Variants in GSK3B observed in about 807,000 individuals in gnomAD.
The protein encoded by GSK3B is glycogen synthase kinase-3 beta.
GSK3B carries 15 observed loss-of-function variants against 56.4 expected under a neutral mutation model. The observed-to-expected ratio is 0.27, with a 90% CI of 0.18 to 0.41. The LOEUF is 0.41. GSK3B is among the 10% of genes least tolerant of loss of function. The pLI is 1.00. For missense variants in GSK3B, 300 were observed against 513.4 expected, an observed-to-expected ratio of 0.58 and a Z score of 4.02; for synonymous variants, 181 against 188.9, an observed-to-expected ratio of 0.96 and a Z score of 0.34.
chr3:119,967,476 A>T (rs2057328027), intron 2 of GSK3B, among the ~76,000 whole-genome samples: 1 of 152,216 alleles, frequency 6.6e-6, no homozygotes, highest in Admixed American at 6.5e-5. Flanking sequence ...TGTAAAGAAG[A>T]AGTTGGAGGA....
intron 2 of GSK3B, among the ~76,000 whole-genome samples, chr3:119,997,332 C>T (rs539570221): frequency 5.3e-4 from 81 of 152,184 alleles, no homozygotes; most frequent in African/African-American, 1.9e-3. Context: ...GATGTATTTA[C>T]ATGGAGGAAG....
intron 7 of GSK3B, among the ~76,000 whole-genome samples, chr3:119,905,260 A>AT (rs1032747389): frequency 2.8e-4 from 42 of 151,892 alleles, no homozygotes; most frequent in Non-Finnish European, 5.9e-5. Flanking sequence ...TATTAAATCC[A>AT]TAAGTCAAAA....
chr3:120,024,175 AT>A (rs869286679), intron 1 of GSK3B, among the ~76,000 whole-genome samples: 1 of 151,690 alleles, frequency 6.6e-6, no homozygotes, highest in East Asian at 1.9e-4. Flanking sequence ...TACAAAAAAA[AT>A]TTTTTTTTAA....
At chr3:119,991,214 G>C (rs1387083216) in intron 2 of GSK3B, among the ~76,000 whole-genome samples, 1 of 152,136 alleles carries the variant, frequency 6.6e-6, no homozygotes, top group African/African-American at 2.4e-5. Context: ...TGTTACAACA[G>C]TACAGGTCTC....
At chr3:119,999,881 T>C (rs1277602191) in intron 2 of GSK3B, among the ~76,000 whole-genome samples, 1 of 152,184 alleles carries the variant, frequency 6.6e-6, no homozygotes, top group Non-Finnish European at 1.5e-5. Context: ...TGGAAGACTA[T>C]GGAAGTTTCT....
intron 4 of GSK3B, among the ~76,000 whole-genome samples, chr3:119,921,120 T>A (rs1472173436): frequency 6.6e-6 from 1 of 152,238 alleles, no homozygotes; most frequent in African/African-American, 2.4e-5. Flanking sequence ...AAGACTCACA[T>A]AAGATACTTT....
At chr3:119,896,579 A>G (rs561575726) in intron 7 of GSK3B, among the ~76,000 whole-genome samples, 1 of 152,306 alleles carries the variant, frequency 6.6e-6, no homozygotes, top group South Asian at 2.1e-4. Context: ...TTGCTTTATA[A>G]ATATGAAATA....
intron 10 of GSK3B, among the ~76,000 whole-genome samples, chr3:119,842,439 A>G (rs916435647): frequency 6.6e-6 from 1 of 152,218 alleles, no homozygotes; most frequent in Non-Finnish European, 1.5e-5. Context: ...GTATAAACTT[A>G]TAATTTATAC....
chr3:120,043,323 C>T (rs1455315170), intron 1 of GSK3B, among the ~76,000 whole-genome samples: 1 of 152,164 alleles, frequency 6.6e-6, no homozygotes, highest in Non-Finnish European at 1.5e-5. Context: ...AAAAGTTTAA[C>T]TCTCTTTCAT....
chr3:119,869,242 A>AAAC (rs2056223543), intron 8 of GSK3B, among the ~76,000 whole-genome samples: 1 of 150,986 alleles, frequency 6.6e-6, no homozygotes, highest in Non-Finnish European at 1.5e-5. Flanking sequence ...AAAAAAAAAA[A>AAAC]AAAACATATA....
chr3:119,967,267 G>A (rs1026622782), intron 2 of GSK3B, among the ~76,000 whole-genome samples: 12 of 152,128 alleles, frequency 7.9e-5, no homozygotes, highest in East Asian at 1.9e-4. Context: ...TAGTAGAGAC[G>A]GAGTTTCACT....
intron 2 of GSK3B, among the ~76,000 whole-genome samples, chr3:119,957,834 T>G (rs1046436384): frequency 1.6e-4 from 25 of 152,158 alleles, no homozygotes; most frequent in African/African-American, 5.6e-4. Flanking sequence ...GAAATGTAAC[T>G]CAATTCCATT....
intron 1 of GSK3B, among the ~76,000 whole-genome samples, chr3:120,081,269 A>C (rs1247993054): frequency 1.8e-4 from 27 of 151,690 alleles, no homozygotes; most frequent in Admixed American, 1.7e-3. Context: ...AAAAAAAAAA[A>C]CAGGGTCGGG....
At chr3:119,837,943 C>CATATATATATATATATATATATATATAT (rs10574860) in intron 10 of GSK3B, among the ~76,000 whole-genome samples, 2 of 138,598 alleles carry the variant, frequency 1.4e-5, no homozygotes, top group African/African-American at 5.2e-5. Flanking sequence ...TGACCATTCA[C>CATATATATATATATATATATATATATAT]ATATATATAT....
At chr3:119,872,234 T>G (rs1374174382) in intron 8 of GSK3B, among the ~76,000 whole-genome samples, 1 of 152,030 alleles carries the variant, frequency 6.6e-6, no homozygotes, top group African/African-American at 2.4e-5. Flanking sequence ...GTTCAAGAAC[T>G]AGATACCTCA....
chr3:119,890,208 T>C (rs1025572339), intron 7 of GSK3B, among the ~76,000 whole-genome samples: 1 of 152,078 alleles, frequency 6.6e-6, no homozygotes, highest in Non-Finnish European at 1.5e-5. Flanking sequence ...GCTTTACTCA[T>C]AATAACCAAA....
At position 119,824,343 on chromosome 3, in the gene GSK3B, AC is replaced by A; in HGVS notation, c.*2444del. 4.4e-6 allele frequency: 1 copy of A among 224,734 alleles called. No homozygotes were observed. The highest frequency in any genetic ancestry group is 8.9e-6 in the Non-Finnish European group (1 of 112,650). The allele number at this position is 224,734 out of a possible 1,614,324, so 13.9% of individuals were successfully genotyped here. ...CACACATCTCAGCACACACACACAC[AC>A]ACACACACGCACACATGCACACACA... On this transcript the variant is annotated 3_prime_UTR_variant, in exon 11 of 11. Transcript: ENST00000264235.
chr3:119,955,965 T>G (rs2057210198), intron 2 of GSK3B, among the ~76,000 whole-genome samples: 1 of 152,070 alleles, frequency 6.6e-6, no homozygotes, highest in African/African-American at 2.4e-5. Flanking sequence ...CTAATGTGTT[T>G]TACACAAGAT....
At chr3:120,014,179 A>G (rs1559876702) in intron 1 of GSK3B, among the ~76,000 whole-genome samples, 1 of 151,078 alleles carries the variant, frequency 6.6e-6, no homozygotes, top group South Asian at 2.1e-4. Flanking sequence ...CAACAACAAC[A>G]AAGATGTTGG....
Sources: allele counts gnomAD v4.1 joint callset (sites outside exome capture counted in the v4.1 genomes callset), GRCh38; gene constraint gnomAD v4.1.1; transcripts MANE v1.5; gene names NCBI Gene and HGNC (gene_info 2026-07-23, HGNC 2026-07-21).